The following TFAP2D variants were observed in gnomAD, a reference collection of about 807,000 sequenced individuals.
The protein encoded by TFAP2D is transcription factor AP-2 delta, also known as transcription factor AP-2-delta.
Under a neutral mutation model 43.6 loss-of-function variants are expected in TFAP2D, and 9 were observed. That is an observed-to-expected ratio of 0.21 (90% CI 0.12 to 0.36). The LOEUF (loss-of-function observed/expected upper bound fraction) is 0.36. Among genes scored for constraint, TFAP2D ranks in the 10% least tolerant of loss-of-function variants. TFAP2D has a pLI of 1.00. For missense variants in TFAP2D, 513 were observed against 561.4 expected, an observed-to-expected ratio of 0.91 and a Z score of 0.87; for synonymous variants, 256 against 224.9, an observed-to-expected ratio of 1.14 and a Z score of -1.24.
intron 7 of TFAP2D, among the ~76,000 whole-genome samples, chr6:50,752,115 G>A (rs1399183908): frequency 6.6e-6 from 1 of 151,694 alleles, no homozygotes; most frequent in East Asian, 1.9e-4. Context: ...ACTGCAAATG[G>A]TTCTTAAGTT....
chr6:50,766,478 C>G (rs1441757488), intron 7 of TFAP2D, among the ~76,000 whole-genome samples: 3 of 151,934 alleles, frequency 2.0e-5, no homozygotes, highest in African/African-American at 4.8e-5. Context: ...ATTAATGCTT[C>G]CAATCCATGA....
chr6:50,725,656 T>C (rs1328648355), intron 3 of TFAP2D, among the ~76,000 whole-genome samples: 3 of 152,164 alleles, frequency 2.0e-5, no homozygotes, highest in Admixed American at 2.0e-4. Flanking sequence ...GGGCCAACGT[T>C]TCATAACATT....
intron 6 of TFAP2D, among the ~76,000 whole-genome samples, chr6:50,747,062 A>T (rs1199670283): frequency 6.6e-6 from 1 of 152,160 alleles, no homozygotes; most frequent in Non-Finnish European, 1.5e-5. Context: ...AATTTTGTGA[A>T]GTGGAAGCCC....
At position 50,715,597 on chromosome 6, in the gene TFAP2D, G is replaced by A. The variant is rs1396034916; in HGVS notation, c.521G>A (p.Gly174Glu). 3 of 1,595,764 alleles carry A rather than the reference G, an allele frequency of 1.9e-6. No individual in the cohort carries two copies. The highest frequency in any genetic ancestry group is 2.6e-6 in the Non-Finnish European group (3 of 1,169,966). The change falls in exon 2 of 8, where the codon GGA (glycine) becomes GAA (glutamate). Residue 174 changes from glycine to glutamate, a missense_variant. Gly to Glu is a moderately conservative substitution (Grantham distance 98, BLOSUM62 -2). Transcript: ENST00000008391. ...PGPSLGLAAA[G>E]ADDLQGSVEA... is the part of the protein sequence containing the mutation. ...CCCAGCCTGGGGCTGGCCGCCGCGG[G>A]AGCAGACGACTTGCAGGTAAATAAG...
intron 3 of TFAP2D, among the ~76,000 whole-genome samples, chr6:50,721,580 A>G (rs1234440722): frequency 6.6e-6 from 1 of 152,202 alleles, no homozygotes; most frequent in African/African-American, 2.4e-5. Context: ...CTCAATTGTC[A>G]TGGTAGTACA....
chr6:50,715,987 G>A lies in TFAP2D; in HGVS notation c.537+374G>A, dbSNP rs117664443. Among the ~76,000 whole-genome samples the A allele has an allele frequency of 1.4e-3, 216 of 152,130 alleles. 3 individuals are homozygous for A. The East Asian group carries it at 0.037, about 26-fold the overall frequency. ...AGGAGATCGAGGAGTCTGGGGTTGG[G>A]CCAACCGGACTCAGAGTAAGATCCA... On this transcript the variant is annotated intron_variant, in intron 2 of 7. Transcript: ENST00000008391.
At chr6:50,771,943 G>A (rs572726070) in intron 7 of TFAP2D, among the ~76,000 whole-genome samples, 142 of 152,184 alleles carry the variant, frequency 9.3e-4, no homozygotes, top group Non-Finnish European at 1.5e-3. Flanking sequence ...ACATGCACAC[G>A]TATGTTTATT....
In TFAP2D at chr6:50,714,026, T is replaced by C; in HGVS notation, c.-30T>C. ...CCGATTCTTTTTTTGGAGGGGGAAA[T>C]TGCATCGTAAGCTTTCGGAGAAACC... On this transcript the variant is annotated 5_prime_UTR_variant, in exon 1 of 8. Transcript: ENST00000008391. 2 of 1,612,498 alleles carry C rather than the reference T, an allele frequency of 1.2e-6. No individual in the cohort carries two copies. The highest frequency in any genetic ancestry group is 1.7e-6 in the Non-Finnish European group (2 of 1,179,632).
intron 6 of TFAP2D, among the ~76,000 whole-genome samples, chr6:50,749,936 C>T (rs1007611245): frequency 2.0e-5 from 3 of 151,796 alleles, no homozygotes; most frequent in Non-Finnish European, 4.4e-5. Flanking sequence ...TTACTTTCAC[C>T]TGTGTTCTGC....
intron 5 of TFAP2D, among the ~76,000 whole-genome samples, chr6:50,740,973 G>A (rs1359840214): frequency 6.6e-6 from 1 of 152,086 alleles, no homozygotes; most frequent in African/African-American, 2.4e-5. Context: ...GCTTTGGAGT[G>A]TGGAAAAATG....
intron 5 of TFAP2D, 73 bp downstream of exon 5, chr6:50,729,385 T>C (rs2114038477): frequency 1.5e-6 from 2 of 1,313,086 alleles, no homozygotes; most frequent in East Asian, 2.3e-5. Flanking sequence ...TCTTAAATTA[T>C]GCTGTTTTAT....
At chr6:50,729,358 TC>T in intron 5 of TFAP2D, 46 bp downstream of exon 5, 1 of 1,506,224 alleles carries the variant, frequency 6.6e-7, no homozygotes, top group African/African-American at 1.4e-5. Context: ...GGTTGGCGTG[TC>T]TTTGAAACTC....
chr6:50,718,819 C>CA (rs1469419301), intron 2 of TFAP2D, among the ~76,000 whole-genome samples: 1 of 152,090 alleles, frequency 6.6e-6, no homozygotes, highest in East Asian at 1.9e-4. Context: ...TCTCTTATGC[C>CA]AAGATGAAAG....
At chr6:50,754,518 A>G (rs1346706689) in intron 7 of TFAP2D, among the ~76,000 whole-genome samples, 1 of 151,876 alleles carries the variant, frequency 6.6e-6, no homozygotes, top group Non-Finnish European at 1.5e-5. Context: ...TTGGATATAC[A>G]CCCAGAAGTC....
At chr6:50,738,212 A>T (rs989533768) in intron 5 of TFAP2D, among the ~76,000 whole-genome samples, 9 of 151,998 alleles carry the variant, frequency 5.9e-5, no homozygotes, top group African/African-American at 2.2e-4. Flanking sequence ...GTATTTATGG[A>T]GTAATATTTG....
At chr6:50,746,227 T>TTTTGTTTGTTTG (rs3830761) in intron 6 of TFAP2D, among the ~76,000 whole-genome samples, 32 of 150,938 alleles carry the variant, frequency 2.1e-4, no homozygotes, top group African/African-American at 7.3e-4. Flanking sequence ...GGGAAAAGTA[T>TTTTGTTTGTTTG]TTTGTTTGTT....
chr6:50,771,310 C>T (rs1364408625), intron 7 of TFAP2D, among the ~76,000 whole-genome samples: 2 of 152,260 alleles, frequency 1.3e-5, no homozygotes, highest in Non-Finnish European at 2.9e-5. Flanking sequence ...GCATAGCTAC[C>T]CTTTTAAGCA....
chr6:50,731,259 C>T (rs535665021), intron 5 of TFAP2D, among the ~76,000 whole-genome samples: 34 of 152,164 alleles, frequency 2.2e-4, no homozygotes, highest in Non-Finnish European at 4.0e-4. Context: ...AAGATTTTAT[C>T]CTTTTGAGGA....
intron 5 of TFAP2D, among the ~76,000 whole-genome samples, chr6:50,737,981 A>G (rs1027457274): frequency 2.0e-5 from 3 of 152,136 alleles, no homozygotes; most frequent in African/African-American, 7.2e-5. Context: ...GTTTTGATTG[A>G]TTATTGGCAG....
Sources: gnomAD v4.1 joint callset for allele counts (sites outside exome capture counted in the v4.1 genomes callset) on GRCh38, gnomAD v4.1.1 for gene constraint, MANE v1.5 for transcripts, NCBI Gene and HGNC (gene_info 2026-07-23, HGNC 2026-07-21) for gene names.